The following MYO3B variants were observed in gnomAD, a reference collection of about 807,000 sequenced individuals.
The protein encoded by MYO3B is myosin-IIIb.
Under a neutral mutation model 174.6 loss-of-function variants are expected in MYO3B, and 156 were observed. That is an observed-to-expected ratio of 0.89 (90% confidence interval 0.78 to 1.02). MYO3B has a LOEUF of 1.02. Ranked by LOEUF, MYO3B falls within the 50% of genes least tolerant of loss-of-function variation. The pLI is 0.00. For synonymous variants in MYO3B, 563 were observed against 569.1 expected (o/e 0.99, Z 0.15); for missense variants, 1,632 against 1,639.4 (o/e 1.00, Z 0.08).
At chr2:170,443,899 A>C in intron 22 of MYO3B, 68 bp from the exon 23 acceptor site, 3 of 1,395,046 alleles carry the variant, frequency 2.2e-6, no homozygotes, top group Admixed American at 1.8e-5. Flanking sequence ...ACCCAAAGGG[A>C]AAAATTACTC....
intron 32 of MYO3B, among the ~76,000 whole-genome samples, chr2:170,567,362 AT>A (rs1325286915): frequency 1.3e-5 from 2 of 152,168 alleles, no homozygotes; most frequent in Non-Finnish European, 2.9e-5. Context: ...AACCATGTAA[AT>A]TTTTTCCCGT....
intron 32 of MYO3B, among the ~76,000 whole-genome samples, chr2:170,558,425 A>G (rs1691489356): frequency 6.6e-6 from 1 of 152,138 alleles, no homozygotes; most frequent in African/African-American, 2.4e-5. Flanking sequence ...AGCCATCAGC[A>G]TGCCCTTTCA....
chr2:170,216,867 A>G (rs2092834396), intron 5 of MYO3B, among the ~76,000 whole-genome samples: 1 of 143,992 alleles, frequency 6.9e-6, no homozygotes, highest in African/African-American at 2.7e-5. Context: ...TTGCAGTGAT[A>G]TAGACAGGGA....
chr2:170,203,555 C>T (rs997467126), intron 3 of MYO3B, among the ~76,000 whole-genome samples: 4 of 151,440 alleles, frequency 2.6e-5, no homozygotes, highest in South Asian at 2.1e-4. Context: ...ACCGACAGAC[C>T]GATGGACCTT....
intron 9 of MYO3B, among the ~76,000 whole-genome samples, chr2:170,377,673 G>T (rs1008157767): frequency 6.6e-6 from 1 of 152,066 alleles, no homozygotes; most frequent in African/African-American, 2.4e-5. Context: ...GCTCCAACTC[G>T]CAAACTCTGT....
chr2:170,462,877 A>G (rs1396834192), intron 23 of MYO3B, among the ~76,000 whole-genome samples: 1 of 151,380 alleles, frequency 6.6e-6, no homozygotes, highest in African/African-American at 2.5e-5. Context: ...ATCTGCAATG[A>G]GCACATGGGA....
At chr2:170,356,109 C>T (rs984961797) in intron 8 of MYO3B, among the ~76,000 whole-genome samples, 2 of 151,624 alleles carry the variant, frequency 1.3e-5, no homozygotes, top group African/African-American at 2.4e-5. Context: ...TACAGGTGCC[C>T]GCCACCATGC....
intron 28 of MYO3B, among the ~76,000 whole-genome samples, chr2:170,505,672 C>G (rs769336992): frequency 6.6e-6 from 1 of 152,206 alleles, no homozygotes; most frequent in Non-Finnish European, 1.5e-5. Flanking sequence ...TTCTAAAGCT[C>G]TGGCTTTAAA....
intron 22 of MYO3B, among the ~76,000 whole-genome samples, chr2:170,420,711 G>A (rs1233100344): frequency 6.6e-6 from 1 of 152,194 alleles, no homozygotes; most frequent in Non-Finnish European, 1.5e-5. Flanking sequence ...TGACCATCTT[G>A]TCTGACTGAA....
At chr2:170,257,590 G>A (rs11673912) in intron 7 of MYO3B, among the ~76,000 whole-genome samples, 131 of 152,204 alleles carry the variant, frequency 8.6e-4, no homozygotes, top group Middle Eastern at 3.4e-3. Context: ...CAAAACCAGC[G>A]TTAAGAGGGA....
At chr2:170,332,628 C>T (rs2105528914) in intron 7 of MYO3B, among the ~76,000 whole-genome samples, 1 of 152,222 alleles carries the variant, frequency 6.6e-6, no homozygotes, top group East Asian at 1.9e-4. Context: ...CCAGGAAAGG[C>T]AGGACATTTA....
intron 22 of MYO3B, among the ~76,000 whole-genome samples, chr2:170,426,977 C>T (rs2094668159): frequency 6.6e-6 from 1 of 151,652 alleles, no homozygotes; most frequent in Admixed American, 6.6e-5. Flanking sequence ...GAGATTGCGC[C>T]ATTGCACTCT....
intron 25 of MYO3B, among the ~76,000 whole-genome samples, chr2:170,467,775 C>T (rs1002133998): frequency 1.4e-5 from 2 of 146,804 alleles, no homozygotes; most frequent in African/African-American, 2.5e-5. Flanking sequence ...TGCTTTGTCA[C>T]GTCTCCCAAA....
chr2:170,321,109 C>T (rs1307277093), intron 7 of MYO3B, among the ~76,000 whole-genome samples: 9 of 151,840 alleles, frequency 5.9e-5, no homozygotes, highest in African/African-American at 1.9e-4. Flanking sequence ...CTAAAAAAAT[C>T]GAGAAACAAA....
chr2:170,340,915 G>A (rs2093973134), intron 8 of MYO3B: 1 of 152,116 alleles, frequency 6.6e-6, no homozygotes, highest in Non-Finnish European at 1.5e-5. Flanking sequence ...TCAGCATCTA[G>A]CATACTGGTG....
intron 8 of MYO3B, among the ~76,000 whole-genome samples, chr2:170,352,559 G>A (rs538559793): frequency 1.9e-4 from 29 of 152,288 alleles, no homozygotes; most frequent in African/African-American, 7.0e-4. Flanking sequence ...CATAAGCAGT[G>A]GTGTACTGGT....
At position 170,423,300 on chromosome 2, in the gene MYO3B, A is replaced by G. The variant is rs146040722; in HGVS notation, c.2650+15456A>G. Among the ~76,000 whole-genome samples the G allele has an allele frequency of 3.9e-5, 6 of 152,156 alleles. No homozygotes were observed. The East Asian group carries it at 9.7e-4, about 24-fold the overall frequency. On this transcript the variant is annotated intron_variant, in intron 22 of 34. Transcript: ENST00000408978. Reference sequence around the variant, plus strand: ...GCCCAGCCTAATCCAGCCACATTTCATATGTGCAGTAGCCACCATATCGAG... The same window carrying G: ...GCCCAGCCTAATCCAGCCACATTTCGTATGTGCAGTAGCCACCATATCGAG...
chr2:170,316,122 A>G (rs12616771), intron 7 of MYO3B, among the ~76,000 whole-genome samples: 75,534 of 152,100 alleles, frequency 0.5, 19,584 homozygotes, highest in Middle Eastern at 0.67. Context: ...ATATTCCCAT[A>G]TCTCACAGTG....
intron 32 of MYO3B, among the ~76,000 whole-genome samples, chr2:170,555,305 G>C (rs6433213): frequency 0.78 from 118,016 of 152,022 alleles, 46,403 homozygotes; most frequent in African/African-American, 0.88. Context: ...AGAGTTCACT[G>C]TTTGTGCTGT....
Sources: gnomAD v4.1 joint callset for allele counts (sites outside exome capture counted in the v4.1 genomes callset) on GRCh38, gnomAD v4.1.1 for gene constraint, MANE v1.5 for transcripts, NCBI Gene and HGNC (gene_info 2026-07-23, HGNC 2026-07-21) for gene names.